The following IBTK variants were observed in gnomAD, a reference collection of about 807,000 sequenced individuals.
The protein encoded by IBTK is inhibitor of Bruton tyrosine kinase.
IBTK carries 83 observed loss-of-function variants against 154.9 expected under a neutral mutation model. The ratio of observed to expected loss-of-function variants is 0.54; its 90% CI spans 0.45 to 0.64. The LOEUF (loss-of-function observed/expected upper bound fraction) is 0.64. Ranked by LOEUF, IBTK falls within the 30% of genes least tolerant of loss-of-function variation. IBTK has a pLI of 0.00. For missense variants in IBTK, 1,332 were observed against 1,584.6 expected, an observed-to-expected ratio of 0.84 and a Z score of 2.71; for synonymous variants, 515 against 536.1, an observed-to-expected ratio of 0.96 and a Z score of 0.54.
intron 7 of IBTK, 113 bp from the exon 8 acceptor site, chr6:82,223,733 C>A: frequency 3.6e-6 from 3 of 837,918 alleles, no homozygotes; most frequent in Non-Finnish European, 5.5e-6. Context: ...CCAAGGTGGG[C>A]AGATCCCTTG....
At chr6:82,223,714 T>G in intron 7 of IBTK, 94 bp from the exon 8 acceptor site, 1 of 1,068,934 alleles carries the variant, frequency 9.4e-7, no homozygotes, top group East Asian at 2.6e-5. Flanking sequence ...ATCCCAGCAC[T>G]TGGGGAGGCC....
At chr6:82,198,991 G>GT (rs1769099318) in intron 21 of IBTK, among the ~76,000 whole-genome samples, 1 of 151,446 alleles carries the variant, frequency 6.6e-6, no homozygotes, top group East Asian at 1.9e-4. Context: ...TAGAATACTA[G>GT]TTTTTTTGTT....
At chr6:82,191,328 G>T in intron 24 of IBTK, 112 bp from the exon 25 acceptor site, 2 of 796,120 alleles carry the variant, frequency 2.5e-6, no homozygotes, top group Non-Finnish European at 4.0e-6. Flanking sequence ...CTTAATAAAG[G>T]TTACTGGTAA....
intron 2 of IBTK, among the ~76,000 whole-genome samples, chr6:82,237,077 A>C (rs1770744603): frequency 6.6e-6 from 1 of 152,178 alleles, no homozygotes; most frequent in Non-Finnish European, 1.5e-5. Flanking sequence ...TGGGGCAATA[A>C]AATCTCACAG....
In IBTK at chr6:82,217,980, C is replaced by T. The variant is rs774178754; in HGVS notation, c.1406G>A (p.Arg469Lys). 4 of 1,598,882 alleles carry T rather than the reference C, an allele frequency of 2.5e-6. No homozygotes were observed. The highest frequency in any genetic ancestry group is 3.4e-6 in the Non-Finnish European group (4 of 1,174,794). The stretch of plus-strand genomic sequence containing the variant: ...CTGACCTTTCTTTTCAGAACTCTTT[C>T]TTTTCTCTTCAAACCATCTCCCTCT... The part of the protein sequence containing the change: ...GFRGRWFEEK[R>K]KSSEKKEILS... The change falls in exon 10 of 29, where the codon AGA becomes AAA. Residue 469 changes from arginine (R) to lysine (K), a missense_variant. Arg to Lys is a conservative substitution (Grantham distance 26). Around this residue, in one of 3 missense-constraint regions of IBTK, gnomAD observed 1,134 missense variants for 1,274.7 expected, o/e 0.89. Coordinates refer to ENST00000306270, the MANE Select transcript of IBTK (RefSeq NM_015525.4).
At chr6:82,192,951 G>A (rs1582198287) in intron 23 of IBTK, among the ~76,000 whole-genome samples, 1 of 149,780 alleles carries the variant, frequency 6.7e-6, no homozygotes, top group African/African-American at 2.5e-5. Context: ...TACAAAAATT[G>A]GCTGAGCATG....
At chr6:82,242,771 C>T (rs570128905) in intron 1 of IBTK, among the ~76,000 whole-genome samples, 4 of 151,328 alleles carry the variant, frequency 2.6e-5, no homozygotes, top group African/African-American at 4.9e-5. Context: ...ATGGTGAAAC[C>T]CCATCTCTAC....
chr6:82,191,076 G>A lies in IBTK; in HGVS notation c.3572C>T (p.Ala1191Val), dbSNP rs376596150. ...TPSKAPKPVN[A>V]WASSLHSVSS... ...TTTAATAAAAATAAGAGCATACCAT[G>A]CATTCACTGGTTTGGGGGCTTTTGA... The change falls in exon 25 of 29, where the codon GCA (alanine) becomes GTA (valine). Residue 1191 changes from alanine (A) to valine (V), a missense_variant. Transcript: ENST00000306270. 4 of 1,543,654 alleles carry A rather than the reference G, an allele frequency of 2.6e-6. No individual in the cohort carries two copies. Among genetic ancestry groups the A allele is most frequent in the Non-Finnish European group, 3.5e-6 (4 of 1,145,440 alleles).
At position 82,212,736 on chromosome 6, in the gene IBTK, A is replaced by G; in HGVS notation, c.2262T>C (p.Gly754=). ...EKINVIAKNT[G]NKLKLSQKKC... ...TTTTCTGACTTAGCTTCAGTTTATTACCAGTGTTCTTGGCAATAACATTAA... is the reference window on the plus strand; with the variant it reads ...TTTTCTGACTTAGCTTCAGTTTATTGCCAGTGTTCTTGGCAATAACATTAA... Residue 754 remains glycine, a synonymous_variant, in exon 13 of 29, where the codon GGT becomes GGC. Coordinates refer to ENST00000306270, the MANE Select transcript of IBTK (RefSeq NM_015525.4). 6.3e-7 allele frequency: 1 copy of G among 1,596,596 alleles called. No individual in the cohort carries two copies. The highest frequency in any genetic ancestry group is 8.6e-7 in the Non-Finnish European group (1 of 1,164,368).
chr6:82,182,086 G>T (rs1482031898), intron 25 of IBTK, 58 bp from the exon 26 acceptor site: 2 of 1,508,350 alleles, frequency 1.3e-6, no homozygotes. Context: ...GGCATTGCTG[G>T]AAGTTATAAG....
At chr6:82,227,376 A>G (rs1205919801) in intron 4 of IBTK, 74 bp from the exon 5 acceptor site, 8 of 845,286 alleles carry the variant, frequency 9.5e-6, no homozygotes, top group Non-Finnish European at 1.4e-5. Flanking sequence ...AAGAAATAGA[A>G]TATTGTTAAT....
chr6:82,185,601 T>G (rs907134682), intron 25 of IBTK, among the ~76,000 whole-genome samples: 2 of 151,264 alleles, frequency 1.3e-5, no homozygotes, highest in African/African-American at 4.9e-5. Context: ...GAAAACAATC[T>G]ATTCCATTTT....
Position 82,214,804 on chromosome 6 carries a change from A to G in IBTK, c.1627T>C (p.Ser543Pro), listed in dbSNP as rs749743124. 6.3e-7 allele frequency: 1 copy of G among 1,592,418 alleles called. No homozygotes were observed. The highest frequency in any genetic ancestry group is 1.8e-5 in the Admixed American group (1 of 55,734). The change falls in exon 12 of 29, where the codon TCA (serine) becomes CCA (proline). Residue 543 changes from serine to proline, a missense_variant. By Grantham distance (74) the Ser-to-Pro change is moderately conservative. Transcript: ENST00000306270. ...TSLYEIPAVS[S>P]SSFFEEFGKL... ...CCAAACTCTTCAAAAAAGGATGATGAGGACACAGCTGGAATTTCATAAAGG... is the reference window on the plus strand; with the variant it reads ...CCAAACTCTTCAAAAAAGGATGATGGGGACACAGCTGGAATTTCATAAAGG...
At chr6:82,238,311 G>A (rs1000859813) in intron 2 of IBTK, among the ~76,000 whole-genome samples, 1 of 152,012 alleles carries the variant, frequency 6.6e-6, no homozygotes, top group African/African-American at 2.4e-5. Flanking sequence ...ACTTCTGACA[G>A]TGAGTTTCTA....
At chr6:82,197,470 A>G (rs1164259052) in intron 21 of IBTK, among the ~76,000 whole-genome samples, 2 of 150,594 alleles carry the variant, frequency 1.3e-5, no homozygotes, top group African/African-American at 2.5e-5. Flanking sequence ...TCCAGGTTCA[A>G]GTGTTTCTCC....
chr6:82,188,886 C>T (rs527877428), intron 25 of IBTK: 132 of 238,298 alleles, frequency 5.5e-4, no homozygotes, highest in East Asian at 1.3e-3. Context: ...AAAAATTAGC[C>T]GGGTGTGGTG....
intron 17 of IBTK, 65 bp downstream of exon 17, chr6:82,204,792 A>C: frequency 9.9e-7 from 1 of 1,007,432 alleles, no homozygotes; most frequent in Non-Finnish European, 1.4e-6. Flanking sequence ...TCATAAAGTC[A>C]ATAAAGTACA....
intron 28 of IBTK, 81 bp downstream of exon 28, chr6:82,172,295 AAAAC>A (rs1030971200): frequency 1.8e-5 from 26 of 1,415,744 alleles, no homozygotes; most frequent in Middle Eastern, 2.0e-4. Context: ...GCACCTGTCC[AAAAC>A]AAACAAACAC....
chr6:82,233,940 G>C (rs547991585), intron 3 of IBTK, among the ~76,000 whole-genome samples: 1 of 152,166 alleles, frequency 6.6e-6, no homozygotes, highest in East Asian at 1.9e-4. Context: ...TACCATGTTG[G>C]TCAGGCTCGA....
Sources: gnomAD v4.1 joint callset for allele counts (sites outside exome capture counted in the v4.1 genomes callset) on GRCh38, gnomAD v4.1.1 for gene constraint, gnomAD v4.1.1 regional missense constraint, MANE v1.5 for transcripts, NCBI Gene and HGNC (gene_info 2026-07-23, HGNC 2026-07-21) for gene names.